FANCA: variants seen among roughly 807,000 people sequenced by gnomAD.
FANCA encodes FA complementation group A.
Under a neutral mutation model 194.3 loss-of-function variants are expected in FANCA, and 236 were observed. That is an observed-to-expected ratio of 1.21 (90% CI 1.09 to 1.35). The LOEUF is 1.35. Among genes scored for constraint, FANCA ranks in the 40% most tolerant of loss-of-function variants. The probability of loss-of-function intolerance (pLI) is 0.00; values close to 1 mark genes in which losing one functional copy is unlikely to be tolerated. For missense variants in FANCA, 2,628 were observed against 1,813.9 expected (o/e 1.45, Z -8.15); for synonymous variants, 1,014 against 715.8 (o/e 1.42, Z -6.65).
intron 29 of FANCA, 137 bp downstream of exon 29, chr16:89,761,812 A>C: frequency 1.4e-6 from 1 of 735,070 alleles, no homozygotes; most frequent in Non-Finnish European, 2.4e-6. Flanking sequence ...TTTTTGTAGA[A>C]ATGGAGTTTC....
rs142867944 is a variant in FANCA at position 89,755,212 on chromosome 16, A to AT, written c.2982-2991dup. 6.1e-3 allele frequency among the ~76,000 whole-genome samples: 874 copies of AT among 143,664 alleles called. 12 individuals carry two copies. Among genetic ancestry groups the AT allele is most frequent in the South Asian group, 0.05 (225 of 4,522 alleles). The allele number at this position is 143,664 out of a possible 152,430, so 94.2% of individuals were successfully genotyped here. Reference sequence around the variant, plus strand: ...TAAAGCTGGATGACCTCACACAACAATTTTTTTTTTTTTTTTGAGACAGTC... The same window carrying AT: ...TAAAGCTGGATGACCTCACACAACAATTTTTTTTTTTTTTTTTGAGACAGTC... On this transcript the variant is annotated intron_variant, in intron 30 of 42. Transcript: ENST00000389301.
chr16:89,800,755 G>C (rs2040418250), intron 8 of FANCA, among the ~76,000 whole-genome samples: 1 of 152,206 alleles, frequency 6.6e-6, no homozygotes, highest in Admixed American at 6.5e-5. Flanking sequence ...AACAGGCCGG[G>C]AACTGTGGCC....
At chr16:89,739,963 C>G (rs778785348) in intron 39 of FANCA, 31 bp downstream of exon 39, 2 of 1,612,324 alleles carry the variant, frequency 1.2e-6, no homozygotes, top group Non-Finnish European at 1.7e-6. Flanking sequence ...AGCGGCCCTC[C>G]GCATTTGTGC....
chr16:89,803,596 G>C (rs1427529072), intron 7 of FANCA, among the ~76,000 whole-genome samples: 1 of 151,824 alleles, frequency 6.6e-6, no homozygotes, highest in East Asian at 1.9e-4. Context: ...CTATTTGAAA[G>C]GGAACAAGTT....
intron 30 of FANCA, among the ~76,000 whole-genome samples, chr16:89,752,980 G>A (rs1030780557): frequency 6.6e-6 from 1 of 152,178 alleles, no homozygotes; most frequent in Non-Finnish European, 1.5e-5. Context: ...TTATCCGGAG[G>A]CCTCACCGTC....
At chr16:89,812,370 G>C (rs912438056) in intron 3 of FANCA, among the ~76,000 whole-genome samples, 1 of 151,406 alleles carries the variant, frequency 6.6e-6, no homozygotes, top group Admixed American at 6.6e-5. Flanking sequence ...CTGGAGGCCA[G>C]GCTCAGTGGG....
intron 14 of FANCA, among the ~76,000 whole-genome samples, chr16:89,785,703 C>A (rs2039871479): frequency 6.6e-6 from 1 of 152,124 alleles, no homozygotes. Context: ...CGCTTACCTG[C>A]AAAACCAGAC....
At chr16:89,782,536 T>C (rs2039755427) in intron 17 of FANCA, among the ~76,000 whole-genome samples, 1 of 152,042 alleles carries the variant, frequency 6.6e-6, no homozygotes, top group African/African-American at 2.4e-5. Flanking sequence ...GTTAACACTT[T>C]TCTGTGATTC....
intron 35 of FANCA, among the ~76,000 whole-genome samples, chr16:89,745,798 G>C (rs1180127937): frequency 6.6e-6 from 1 of 151,632 alleles, no homozygotes; most frequent in African/African-American, 2.4e-5. Flanking sequence ...ACTCCTCTGA[G>C]CTGGGAACGA....
intron 37 of FANCA, among the ~76,000 whole-genome samples, chr16:89,741,369 A>T (rs901970110): frequency 2.0e-5 from 3 of 152,252 alleles, no homozygotes; most frequent in African/African-American, 7.2e-5. Flanking sequence ...TACTCAGAAG[A>T]ACCCCTGCAG....
At chr16:89,757,037 G>A (rs975660215) in intron 30 of FANCA, among the ~76,000 whole-genome samples, 4 of 152,178 alleles carry the variant, frequency 2.6e-5, no homozygotes, top group African/African-American at 9.7e-5. Context: ...GGAATGTAGT[G>A]GTGTTTTCAC....
intron 14 of FANCA, among the ~76,000 whole-genome samples, chr16:89,790,661 G>T (rs559601205): frequency 6.6e-6 from 1 of 151,726 alleles, no homozygotes; most frequent in African/African-American, 2.4e-5. Context: ...ACGGGGCAGC[G>T]GAGTTTGCAG....
At chr16:89,788,306 CA>C (rs1277576435) in intron 14 of FANCA, among the ~76,000 whole-genome samples, 1 of 151,874 alleles carries the variant, frequency 6.6e-6, no homozygotes, top group Non-Finnish European at 1.5e-5. Flanking sequence ...ACCAAAATTA[CA>C]AAAATTAGCC....
At position 89,749,714 on chromosome 16, in the gene FANCA, T is replaced by TA; in HGVS notation, c.3239+15_3239+16insT. The TA allele has an allele frequency of 6.2e-7, 1 of 1,611,212 alleles. No individual in the cohort carries two copies. Among genetic ancestry groups the TA allele is most frequent in the African/African-American group, 1.3e-5 (1 of 74,974 alleles). The stretch of plus-strand genomic sequence containing the variant: ...CCCAGGTGGTGCTGCCCTGCCCAGG[T>TA]GGTAGTAGGTGTTACCGTTTGTACA... On this transcript the variant is annotated intron_variant, in intron 32 of 42. Coordinates refer to ENST00000389301, the MANE Select transcript of FANCA (RefSeq NM_000135.4).
chr16:89,815,336 T>A (rs999864599), intron 2 of FANCA, among the ~76,000 whole-genome samples: 2 of 12,224 alleles, frequency 1.6e-4, no homozygotes, highest in African/African-American at 2.7e-3. Context: ...CACGCCCGGC[T>A]TTTTTTTTTT....
chr16:89,744,221 G>C (rs544834806), intron 36 of FANCA, among the ~76,000 whole-genome samples: 1 of 152,158 alleles, frequency 6.6e-6, no homozygotes, highest in East Asian at 1.9e-4. Context: ...AGCAGACGGC[G>C]AGCAGCCAAA....
intron 8 of FANCA, among the ~76,000 whole-genome samples, chr16:89,801,562 TG>T (rs935223483): frequency 2.6e-5 from 4 of 152,292 alleles, no homozygotes; most frequent in Admixed American, 6.5e-5. Context: ...TCTAAATAGT[TG>T]GGTAGTTCTA....
chr16:89,802,856 G>C (rs547701746), intron 8 of FANCA, among the ~76,000 whole-genome samples: 2 of 152,294 alleles, frequency 1.3e-5, no homozygotes, highest in East Asian at 3.9e-4. Context: ...CTCTTGTGGA[G>C]GTAGAGAGTA....
chr16:89,798,030 C>A (rs1221378112), intron 10 of FANCA, among the ~76,000 whole-genome samples: 1 of 152,192 alleles, frequency 6.6e-6, no homozygotes, highest in Non-Finnish European at 1.5e-5. Context: ...AAAGCCCTTG[C>A]CACAGACTAA....
Sources: gnomAD v4.1 joint callset for allele counts (sites outside exome capture counted in the v4.1 genomes callset) on GRCh38, gnomAD v4.1.1 for gene constraint, MANE v1.5 for transcripts, NCBI Gene and HGNC (gene_info 2026-07-23, HGNC 2026-07-21) for gene names.